RAB3IL1: variants seen among roughly 807,000 people sequenced by gnomAD.
RAB3IL1 encodes RAB3A interacting protein like 1, also known as guanine nucleotide exchange factor for Rab-3A.
RAB3IL1 carries 37 observed loss-of-function variants against 49.2 expected under a neutral mutation model. The ratio of observed to expected loss-of-function variants is 0.75; its 90% CI spans 0.58 to 0.99. RAB3IL1 has a LOEUF of 0.99. Among genes scored for constraint, RAB3IL1 ranks in the 50% least tolerant of loss-of-function variants. The pLI, the probability that RAB3IL1 is intolerant of heterozygous loss-of-function variation, is 0.00. For synonymous variants in RAB3IL1, 193 were observed against 213.9 expected (o/e 0.90, Z 0.85); for missense variants, 484 against 513.0 (o/e 0.94, Z 0.55).
intron 1 of RAB3IL1, among the ~76,000 whole-genome samples, chr11:61,916,784 G>A (rs1361418666): frequency 1.3e-5 from 2 of 152,170 alleles, no homozygotes; most frequent in Non-Finnish European, 2.9e-5. Flanking sequence ...CAGCCACTGG[G>A]GCCACTAATC....
In RAB3IL1 at chr11:61,902,455, G is replaced by A. The variant is rs139628915; in HGVS notation, c.986C>T (p.Ser329Phe). Residue 329 changes from serine (S) to phenylalanine (F), a missense_variant, in exon 8 of 10, where the codon TCT (serine) becomes TTT (phenylalanine). By Grantham distance (155) the Ser-to-Phe change is radical. Transcript: ENST00000394836. ...DSKSHYYISP[S>F]SRARITAVCN... The stretch of plus-strand genomic sequence containing the variant: ...AGGCTGACTCACCCTGGCCCGGGAA[G>A]ATGGCGAGATGTAGTAATGGCTTTT... The A allele has an allele frequency of 4.1e-5, 66 of 1,595,024 alleles. No homozygotes were observed. The African/African-American group carries it at 7.6e-4, about 18-fold the overall frequency.
At chr11:61,921,332 A>T (rs1939901521), upstream of RAB3IL1, among the ~76,000 whole-genome samples, 3 of 152,164 alleles carry the variant, frequency 2.0e-5, no homozygotes, top group African/African-American at 7.2e-5. Flanking sequence ...TGAGCACGTT[A>T]GCCTCTCCGT....
the RAB3IL1 span, among the ~76,000 whole-genome samples, chr11:61,934,450 G>GTATATATATATATA: frequency 3.2e-4 from 10 of 31,598 alleles, 1 homozygote; most frequent in East Asian, 5.0e-3. Context: ...GTGTGTGTAT[G>GTATATATATATATA]TATATATATA....
In RAB3IL1 at chr11:61,906,327, G is replaced by T; in HGVS notation, c.657+139C>A. On this transcript the variant is annotated intron_variant, in intron 5 of 9. Transcript: ENST00000394836. This position sits in a 1 kb window ranked among gnomAD's most constrained non-coding sequence, Gnocchi z 4.6. ...AGGTTGGAGAGAAAGGACCTGCCCA[G>T]CCCTCACATCCCAGAGAGGCGCAGG... 2.5e-6 allele frequency: 2 copies of T among 799,154 alleles called. No homozygotes were observed. Among genetic ancestry groups the T allele is most frequent in the Non-Finnish European group, 4.1e-6 (2 of 491,392 alleles). 49.5% of individuals were successfully genotyped at this position (799,154 alleles called of 1,614,324 possible).
At chr11:61,921,283 A>G (rs1326481113), upstream of RAB3IL1, among the ~76,000 whole-genome samples, 3 of 152,188 alleles carry the variant, frequency 2.0e-5, no homozygotes, top group Admixed American at 6.5e-5. Context: ...CCGGGGTCAG[A>G]CGGGCTGGAT....
At chr11:61,944,209 CCCTT>C in the RAB3IL1 span, among the ~76,000 whole-genome samples, 172 of 32,194 alleles carry the variant, frequency 5.3e-3, 1 homozygote, top group African/African-American at 9.6e-3. Flanking sequence ...TCCTTTCCTT[CCCTT>C]CCTTCCCTCC....
chr11:61,899,741 CAGGCT>C, intron 8 of RAB3IL1: 39 of 252,986 alleles, frequency 1.5e-4, no homozygotes, highest in South Asian at 8.5e-4. Context: ...ATGAACCGGG[CAGGCT>C]GTCCCGGAGT....
the RAB3IL1 span, among the ~76,000 whole-genome samples, chr11:61,933,929 A>G: frequency 3.2e-3 from 484 of 152,188 alleles, 1 homozygote; most frequent in African/African-American, 0.011. Flanking sequence ...TGGGTAACAG[A>G]GCAAGACCTT....
At chr11:61,923,006 G>T (rs899345181), upstream of RAB3IL1, among the ~76,000 whole-genome samples, 2 of 152,224 alleles carry the variant, frequency 1.3e-5, no homozygotes, top group African/African-American at 2.4e-5. Flanking sequence ...AAAGGGCTTG[G>T]CCTGGCTGGT....
At chr11:61,925,896 T>C in the RAB3IL1 span, among the ~76,000 whole-genome samples, 1 of 152,146 alleles carries the variant, frequency 6.6e-6, no homozygotes, top group Non-Finnish European at 1.5e-5. Flanking sequence ...TTAAACATTT[T>C]TGAGCAGAGG....
chr11:61,944,717 A>C, the RAB3IL1 span, among the ~76,000 whole-genome samples: 1 of 152,208 alleles, frequency 6.6e-6, no homozygotes, highest in African/African-American at 2.4e-5. Context: ...TGTTTTGGAC[A>C]CGGAGTTTCG....
the RAB3IL1 span, among the ~76,000 whole-genome samples, chr11:61,928,304 G>A: frequency 6.6e-6 from 1 of 152,160 alleles, no homozygotes; most frequent in Admixed American, 6.6e-5. Flanking sequence ...TGGCCAGGAG[G>A]GAGGTTGGGG....
At chr11:61,942,838 C>G in the RAB3IL1 span, among the ~76,000 whole-genome samples, 1 of 152,104 alleles carries the variant, frequency 6.6e-6, no homozygotes, top group Non-Finnish European at 1.5e-5. Flanking sequence ...ACACTGAAAA[C>G]CCTACGACAG....
chr11:61,937,990 T>C, the RAB3IL1 span: 1 of 151,998 alleles, frequency 6.6e-6, no homozygotes, highest in African/African-American at 2.4e-5. Flanking sequence ...TGTGAAGCTT[T>C]CCATTATAAA....
In RAB3IL1 at chr11:61,908,298, TG is replaced by T. The variant is rs1440651901; in HGVS notation, c.19del (p.Gln7SerfsTer73). 1.4e-6 allele frequency: 2 copies of T among 1,473,372 alleles called. No homozygotes were observed. 91.3% of individuals were successfully genotyped at this position (1,473,372 alleles called of 1,614,324 possible). A position where few individuals can be genotyped will look rare whatever the true frequency, so the allele number is the denominator to read the frequency against. On this transcript the variant is annotated frameshift_variant, in exon 2 of 10. Transcript: ENST00000394836. LOFTEE classifies it high-confidence loss of function. ...GGGCGGCGGGAGGCCCTGGTCTGGC[TG>T]GGGTGGGCTGGAGACAAACAAGGGT... MWSGPP[Q>X]PDQGLPPPLA...
upstream of RAB3IL1, among the ~76,000 whole-genome samples, chr11:61,925,178 A>T (rs1302736983): frequency 1.3e-5 from 2 of 152,160 alleles, no homozygotes; most frequent in Non-Finnish European, 2.9e-5. Context: ...AGGTTAAAGG[A>T]TTTGGCCAAT....
chr11:61,898,837 C>G lies in RAB3IL1; in HGVS notation c.1066+477G>C. 2.1e-6 allele frequency: 1 copy of G among 468,232 alleles called. No homozygotes were observed. Among genetic ancestry groups the G allele is most frequent in the Non-Finnish European group, 4.2e-6 (1 of 235,362 alleles). 29.0% of individuals were successfully genotyped at this position (468,232 alleles called of 1,614,324 possible). A position where few individuals can be genotyped will look rare whatever the true frequency, so the allele number is the denominator to read the frequency against. ...CCCCAGGATGGAGAGGAGATAGCTC[C>G]TTACTCAGAGGGTCGGGCCAGACTG... On this transcript the variant is annotated intron_variant, in intron 9 of 9. Coordinates refer to ENST00000394836, the MANE Select transcript of RAB3IL1 (RefSeq NM_013401.4). The surrounding 1 kb of genome is among the most constrained non-coding windows in gnomAD (Gnocchi z 5.1).
At chr11:61,917,603 G>GGCCCC, upstream of RAB3IL1, 1 of 1,044,938 alleles carries the variant, frequency 9.6e-7, no homozygotes, top group East Asian at 7.9e-5. Flanking sequence ...ACACGTGCCC[G>GGCCCC]GCCCCGCCCC....
Position 61,906,467 on chromosome 11 carries a change from T to A in RAB3IL1, c.656A>T (p.Glu219Val). The change falls in exon 5 of 10, where the codon GAG becomes GTG. Residue 219 changes from glutamate to valine, a missense_variant and splice_region_variant. Physicochemically the swap from Glu to Val is moderately radical, Grantham distance 121. Coordinates refer to ENST00000394836, the MANE Select transcript of RAB3IL1 (RefSeq NM_013401.4). This position sits in a 1 kb window ranked among gnomAD's most constrained non-coding sequence, Gnocchi z 4.6. ...HTLTPDREGK[E>V]VDTILFAEFQ... The stretch of plus-strand genomic sequence containing the variant: ...CCAGAGCCCGCTTCCCACCCTCACC[T>A]CCTTGCCCTCTCTGTCTGGGGTGAG... 1 of 1,542,360 alleles carries A rather than the reference T, an allele frequency of 6.5e-7. No homozygotes were observed. Among genetic ancestry groups the A allele is most frequent in the Non-Finnish European group, 8.7e-7 (1 of 1,146,562 alleles).
Sources: allele counts gnomAD v4.1 joint callset (sites outside exome capture counted in the v4.1 genomes callset), GRCh38; gene constraint gnomAD v4.1.1; non-coding constraint Gnocchi (gnomAD v3.1); transcripts MANE v1.5; gene names NCBI Gene and HGNC (gene_info 2026-07-23, HGNC 2026-07-21).